LPA: variants seen among roughly 807,000 people sequenced by gnomAD.
LPA encodes apolipoprotein(a).
A neutral mutation model predicts 197.9 loss-of-function variants in LPA; 199 were observed. The observed-to-expected ratio is 1.01, with a 90% CI of 0.90 to 1.13. LPA has a LOEUF of 1.13. Among genes scored for constraint, LPA ranks in the 50% most tolerant of loss-of-function variants. LPA has a pLI of 0.00. For missense variants in LPA, 1,853 were observed against 1,785.8 expected, an observed-to-expected ratio of 1.04 and a Z score of -0.68; for synonymous variants, 715 against 639.5, an observed-to-expected ratio of 1.12 and a Z score of -1.78.
intron 1 of LPA, among the ~76,000 whole-genome samples, chr6:160,660,343 G>A (rs1277493061): frequency 6.6e-6 from 1 of 152,126 alleles, no homozygotes; most frequent in Non-Finnish European, 1.5e-5. Flanking sequence ...CTCCACTCAT[G>A]TCTAGCATGC....
chr6:160,634,857 A>G (rs1453978603), intron 7 of LPA, among the ~76,000 whole-genome samples: 2 of 150,248 alleles, frequency 1.3e-5, no homozygotes, highest in Admixed American at 6.6e-5. Context: ...AGACACTGAG[A>G]TAGCCCATTT....
chr6:160,596,584 C>T (rs1583607446), intron 20 of LPA, among the ~76,000 whole-genome samples: 1 of 152,196 alleles, frequency 6.6e-6, no homozygotes, highest in East Asian at 1.9e-4. Context: ...TCTTAGCCAT[C>T]AGAGACATGA....
At chr6:160,591,616 C>G (rs1234161474) in intron 22 of LPA, among the ~76,000 whole-genome samples, 2 of 152,180 alleles carry the variant, frequency 1.3e-5, no homozygotes, top group East Asian at 3.8e-4. Context: ...TTGATATCTT[C>G]TTGTCAGCTT....
At chr6:160,557,246 A>G in intron 29 of LPA, 144 bp downstream of exon 29, 2 of 1,014,122 alleles carry the variant, frequency 2.0e-6, no homozygotes, top group Admixed American at 2.0e-5. Flanking sequence ...AAATTGCTCC[A>G]CCAGAGAGAG....
At chr6:160,575,843 C>A (rs1778644896) in intron 28 of LPA, among the ~76,000 whole-genome samples, 1 of 152,130 alleles carries the variant, frequency 6.6e-6, no homozygotes, top group Non-Finnish European at 1.5e-5. Context: ...TTATATTACA[C>A]TGAGGTGACT....
intron 1 of LPA, among the ~76,000 whole-genome samples, chr6:160,659,311 T>C (rs1315495674): frequency 6.6e-6 from 1 of 152,142 alleles, no homozygotes; most frequent in African/African-American, 2.4e-5. Flanking sequence ...AGTAAAGCAC[T>C]CAGGATCTTT....
chr6:160,554,465 G>A (rs961166292), intron 30 of LPA, among the ~76,000 whole-genome samples: 1 of 152,234 alleles, frequency 6.6e-6, no homozygotes, highest in South Asian at 2.1e-4. Flanking sequence ...TTTAGACTTG[G>A]TTTTTAAGCT....
chr6:160,539,547 A>G (rs1183904804), intron 36 of LPA, among the ~76,000 whole-genome samples: 1 of 151,534 alleles, frequency 6.6e-6, no homozygotes, highest in African/African-American at 2.4e-5. Flanking sequence ...CCTGGAGTGC[A>G]GTGGCACAAT....
At chr6:160,538,945 A>G (rs1234971942) in intron 36 of LPA, among the ~76,000 whole-genome samples, 1 of 152,162 alleles carries the variant, frequency 6.6e-6, no homozygotes, top group Admixed American at 6.5e-5. Flanking sequence ...GTATTTGCAC[A>G]TTTGCTGGGA....
At chr6:160,594,678 G>C (rs9457947) in intron 21 of LPA, among the ~76,000 whole-genome samples, 1,677 of 152,252 alleles carry the variant, frequency 0.011, 29 homozygotes, top group African/African-American at 0.038. Flanking sequence ...TGGTATCTTT[G>C]GCCCAGGATT....
chr6:160,571,410 G>T (rs1473934960), intron 28 of LPA, among the ~76,000 whole-genome samples: 1 of 152,166 alleles, frequency 6.6e-6, no homozygotes, highest in East Asian at 1.9e-4. Context: ...TGCTGTGTTG[G>T]GGGATCTGGT....
In LPA at chr6:160,605,035, A is replaced by T; in HGVS notation, c.2945+11T>A. On this transcript the variant is annotated intron_variant, in intron 18 of 38. Coordinates refer to ENST00000316300, the MANE Select transcript of LPA (RefSeq NM_005577.4). ...CCCTTCCTTCACTTATGGTAAAGAA[A>T]ATAGACATACGCATTTGGGTAGTAT... The T allele has an allele frequency of 6.2e-7, 1 of 1,613,426 alleles. No individual in the cohort carries two copies. Among genetic ancestry groups the T allele is most frequent in the Non-Finnish European group, 8.5e-7 (1 of 1,179,706 alleles).
In LPA at chr6:160,611,492, G is replaced by A. The variant is rs1246098580; in HGVS notation, c.2603+70C>T. ...AAGTTGAGTTCGGAGAACTCAGCTT[G>A]AAGCATGTCTCTTGTCACAGAAACT... On this transcript the variant is annotated intron_variant, in intron 16 of 38. Transcript: ENST00000316300. 7 of 1,591,296 alleles carry A rather than the reference G, an allele frequency of 4.4e-6. No homozygotes were observed. The Admixed American group carries it at 5.0e-5, about 11-fold the overall frequency.
intron 30 of LPA, among the ~76,000 whole-genome samples, chr6:160,549,758 C>G (rs1778137958): frequency 6.6e-6 from 1 of 152,200 alleles, no homozygotes; most frequent in Admixed American, 6.5e-5. Flanking sequence ...GCAGAACCTC[C>G]TCTCCTACTC....
intron 37 of LPA, among the ~76,000 whole-genome samples, chr6:160,534,217 C>A (rs1159790277): frequency 3.3e-5 from 5 of 152,218 alleles, no homozygotes; most frequent in African/African-American, 1.2e-4. Context: ...CTGGACTGCA[C>A]AGATGTGTAA....
chr6:160,594,782 G>C (rs528157207), intron 21 of LPA, among the ~76,000 whole-genome samples: 2 of 152,192 alleles, frequency 1.3e-5, no homozygotes, highest in Non-Finnish European at 2.9e-5. Flanking sequence ...AACACTGAGA[G>C]ATCCCTCCCA....
intron 22 of LPA, among the ~76,000 whole-genome samples, chr6:160,593,635 G>C (rs984828062): frequency 2.0e-5 from 3 of 152,152 alleles, no homozygotes; most frequent in Admixed American, 1.3e-4. Context: ...AGAAATCCCT[G>C]GTTGAACTAT....
At chr6:160,536,463 A>T (rs1283565196) in intron 37 of LPA, among the ~76,000 whole-genome samples, 8 of 152,110 alleles carry the variant, frequency 5.3e-5, no homozygotes, top group Non-Finnish European at 1.0e-4. Context: ...TTTCCCCCAT[A>T]ACAGCCCTGC....
At chr6:160,568,190 G>A (rs1778497585) in intron 28 of LPA, among the ~76,000 whole-genome samples, 1 of 152,110 alleles carries the variant, frequency 6.6e-6, no homozygotes, top group African/African-American at 2.4e-5. Flanking sequence ...CAACAAAAAT[G>A]AGAATTTTAG....
Sources: gnomAD v4.1 joint callset for allele counts (sites outside exome capture counted in the v4.1 genomes callset) on GRCh38, gnomAD v4.1.1 for gene constraint, MANE v1.5 for transcripts, NCBI Gene and HGNC (gene_info 2026-07-23, HGNC 2026-07-21) for gene names.